CLMP: variants seen among roughly 807,000 people sequenced by gnomAD.
The protein encoded by CLMP is CXADR-like membrane protein.
A neutral mutation model predicts 45.2 loss-of-function variants in CLMP; 27 were observed. The ratio of observed to expected loss-of-function variants is 0.60; its 90% CI spans 0.44 to 0.82. The LOEUF is 0.82. Ranked by LOEUF, CLMP falls within the 40% of genes least tolerant of loss-of-function variation. The pLI is 0.00. For missense variants in CLMP, 403 were observed against 448.4 expected (o/e 0.90, Z 0.91); for synonymous variants, 167 against 171.4 (o/e 0.97, Z 0.20).
chr11:123,103,263 G>C (rs537522541), intron 1 of CLMP, among the ~76,000 whole-genome samples: 1 of 152,060 alleles, frequency 6.6e-6, no homozygotes, highest in Non-Finnish European at 1.5e-5. Flanking sequence ...ACTTTCCACC[G>C]GACACAAAAA....
chr11:123,136,670 C>T (rs1327045328), intron 1 of CLMP, among the ~76,000 whole-genome samples: 1 of 146,100 alleles, frequency 6.8e-6, no homozygotes, highest in Non-Finnish European at 1.5e-5. Context: ...CAGGTTCAAG[C>T]GATTCTCCTC....
At chr11:123,096,565 A>C (rs529023078) in intron 2 of CLMP, among the ~76,000 whole-genome samples, 1 of 152,272 alleles carries the variant, frequency 6.6e-6, no homozygotes, top group Non-Finnish European at 1.5e-5. Flanking sequence ...ACTCAGGTTA[A>C]AGTGACCTCG....
intron 1 of CLMP, among the ~76,000 whole-genome samples, chr11:123,142,935 T>C (rs979906021): frequency 2.0e-5 from 3 of 152,174 alleles, no homozygotes; most frequent in African/African-American, 7.2e-5. Flanking sequence ...CGATGAGGTT[T>C]CTTAAAACAG....
chr11:123,154,233 C>T (rs1861381592), intron 1 of CLMP, among the ~76,000 whole-genome samples: 1 of 151,974 alleles, frequency 6.6e-6, no homozygotes, highest in African/African-American at 2.4e-5. Flanking sequence ...GGATGACTTC[C>T]TTGCACCCTA....
intron 1 of CLMP, among the ~76,000 whole-genome samples, chr11:123,185,946 T>G (rs1397814662): frequency 6.6e-6 from 1 of 152,212 alleles, no homozygotes; most frequent in Non-Finnish European, 1.5e-5. Context: ...GACAAATGAC[T>G]GCCTGGAAAC....
At chr11:123,190,658 C>A (rs1461558270) in intron 1 of CLMP, among the ~76,000 whole-genome samples, 1 of 152,182 alleles carries the variant, frequency 6.6e-6, no homozygotes, top group East Asian at 1.9e-4. Context: ...ACATACATGA[C>A]ACTGCAGAGT....
intron 1 of CLMP, among the ~76,000 whole-genome samples, chr11:123,156,812 C>A (rs1861421426): frequency 6.6e-6 from 1 of 152,212 alleles, no homozygotes; most frequent in Admixed American, 6.5e-5. Context: ...TAAGCTTCCC[C>A]AGCAGCAGTG....
chr11:123,155,234 TCC>T (rs1861396638), intron 1 of CLMP, among the ~76,000 whole-genome samples: 1 of 152,204 alleles, frequency 6.6e-6, no homozygotes, highest in Non-Finnish European at 1.5e-5. Flanking sequence ...GAAGGGGTCC[TCC>T]TGCCTTGGCC....
At chr11:123,136,411 G>A in intron 1 of CLMP, 1 of 469,232 alleles carries the variant, frequency 2.1e-6, no homozygotes, top group Non-Finnish European at 4.0e-6. Context: ...CAGTTCTAGG[G>A]TGGTCCCCCC....
Position 123,195,032 on chromosome 11 carries a change from G to A in CLMP, c.-92C>T. On this transcript the variant is annotated 5_prime_UTR_variant, in exon 1 of 7. Transcript: ENST00000448775. ...CCGACGGACCTCGGGCGAGCTGGGCGCGGCGCCTCGGGGTGCGCGCGAGGT... is the reference window on the plus strand; with the variant it reads ...CCGACGGACCTCGGGCGAGCTGGGCACGGCGCCTCGGGGTGCGCGCGAGGT... 7.5e-7 allele frequency: 1 copy of A among 1,333,824 alleles called. No homozygotes were observed. Among genetic ancestry groups the A allele is most frequent in the Non-Finnish European group, 1.0e-6 (1 of 994,796 alleles). 82.6% of individuals were successfully genotyped at this position (1,333,824 alleles called of 1,614,324 possible). A position where few individuals can be genotyped will look rare whatever the true frequency, so the allele number is the denominator to read the frequency against.
intron 1 of CLMP, among the ~76,000 whole-genome samples, chr11:123,100,643 T>C (rs1340160938): frequency 2.0e-5 from 3 of 152,098 alleles, no homozygotes; most frequent in Non-Finnish European, 4.4e-5. Context: ...CCACCCTCAG[T>C]TGTTGTGTTA....
At chr11:123,077,454 C>T (rs1442063744) in intron 5 of CLMP, among the ~76,000 whole-genome samples, 1 of 152,192 alleles carries the variant, frequency 6.6e-6, no homozygotes, top group Non-Finnish European at 1.5e-5. Flanking sequence ...GCCTCAACTT[C>T]CTGAGTAGCT....
intron 1 of CLMP, among the ~76,000 whole-genome samples, chr11:123,159,548 T>G (rs149301694): frequency 1.3e-5 from 2 of 152,316 alleles, no homozygotes; most frequent in Non-Finnish European, 2.9e-5. Flanking sequence ...TGCATAAAAT[T>G]GGTGTGCTGT....
In CLMP at chr11:123,073,349, C is replaced by T; in HGVS notation, c.*125G>A. The T allele has an allele frequency of 1.9e-6, 2 of 1,044,062 alleles. No individual in the cohort carries two copies. The highest frequency in any genetic ancestry group is 2.8e-6 in the Non-Finnish European group (2 of 709,042). 64.7% of individuals were successfully genotyped at this position (1,044,062 alleles called of 1,614,324 possible). A position where few individuals can be genotyped will look rare whatever the true frequency, so the allele number is the denominator to read the frequency against. On this transcript the variant is annotated 3_prime_UTR_variant, in exon 7 of 7. Coordinates refer to ENST00000448775, the MANE Select transcript of CLMP (RefSeq NM_024769.5). ...AATGCTCATCTGAATCTGTTCCGTG[C>T]AATGCTCACTGCTACTTAGATGACC...
chr11:123,179,653 T>A (rs1861743614), intron 1 of CLMP, among the ~76,000 whole-genome samples: 1 of 152,176 alleles, frequency 6.6e-6, no homozygotes, highest in African/African-American at 2.4e-5. Flanking sequence ...GGCAACCAAG[T>A]ACCAGTGATC....
intron 1 of CLMP, among the ~76,000 whole-genome samples, chr11:123,116,106 A>G (rs1179291002): frequency 6.6e-6 from 1 of 152,014 alleles, no homozygotes; most frequent in Non-Finnish European, 1.5e-5. Flanking sequence ...GGTGATGCAA[A>G]AAAGAGCACA....
intron 1 of CLMP, among the ~76,000 whole-genome samples, chr11:123,151,864 A>G (rs1861340901): frequency 6.6e-6 from 1 of 152,114 alleles, no homozygotes; most frequent in Non-Finnish European, 1.5e-5. Context: ...GGTTTCCTCT[A>G]AGGCATTTTT....
In CLMP at chr11:123,195,066, C is replaced by T. The variant is rs1481144759; in HGVS notation, c.-126G>A. The stretch of plus-strand genomic sequence containing the variant: ...CGGGGTGCGCGCGAGGTGGCTGCAG[C>T]CATGTGCCGGGCGGGAGCCGGCCCC... On this transcript the variant is annotated 5_prime_UTR_variant, in exon 1 of 7. Coordinates refer to ENST00000448775, the MANE Select transcript of CLMP (RefSeq NM_024769.5). 2 of 813,282 alleles carry T rather than the reference C, an allele frequency of 2.5e-6. No homozygotes were observed. Among genetic ancestry groups the T allele is most frequent in the South Asian group, 4.1e-5 (1 of 24,340 alleles). The allele number at this position is 813,282 out of a possible 1,614,324, so 50.4% of individuals were successfully genotyped here.
intron 1 of CLMP, among the ~76,000 whole-genome samples, chr11:123,193,391 C>G (rs1316654117): frequency 6.6e-6 from 1 of 152,212 alleles, no homozygotes; most frequent in Non-Finnish European, 1.5e-5. Context: ...AATAAGAGAG[C>G]CCTGAAGTTT....
Sources: gnomAD v4.1 joint callset for allele counts (sites outside exome capture counted in the v4.1 genomes callset) on GRCh38, gnomAD v4.1.1 for gene constraint, MANE v1.5 for transcripts, NCBI Gene and HGNC (gene_info 2026-07-23, HGNC 2026-07-21) for gene names.